Variants in ABCB5 observed in about 807,000 individuals in gnomAD.
The protein encoded by ABCB5 is ATP binding cassette subfamily B member 5, also known as ATP-binding cassette sub-family B member 5.
In ABCB5, 155 loss-of-function variants were observed where a neutral mutation model predicts 144.2. The ratio of observed to expected loss-of-function variants is 1.08; its 90% CI spans 0.94 to 1.23. ABCB5 has a LOEUF of 1.23. ABCB5 is among the 50% of genes most tolerant of loss of function. ABCB5 has a pLI of 0.00. For missense variants in ABCB5, 1,830 were observed against 1,520.8 expected, an observed-to-expected ratio of 1.20 and a Z score of -3.38; for synonymous variants, 610 against 528.6, an observed-to-expected ratio of 1.15 and a Z score of -2.11.
intron 19 of ABCB5, 60 bp downstream of exon 19, chr7:20,700,195 C>G: frequency 7.3e-7 from 1 of 1,374,282 alleles, no homozygotes; most frequent in Non-Finnish European, 9.9e-7. Flanking sequence ...AACATTCTAG[C>G]TTTAATTCTG....
chr7:20,620,722 G>C (rs936266458), intron 1 of ABCB5, among the ~76,000 whole-genome samples: 2 of 151,936 alleles, frequency 1.3e-5, no homozygotes, highest in Non-Finnish European at 2.9e-5. Flanking sequence ...GATTTCTATT[G>C]TCCATTAATC....
At chr7:20,630,036 T>G (rs1187358900) in intron 4 of ABCB5, among the ~76,000 whole-genome samples, 1 of 151,796 alleles carries the variant, frequency 6.6e-6, no homozygotes, top group African/African-American at 2.4e-5. Flanking sequence ...CGTGTATCGT[T>G]TGTAGCCTCC....
chr7:20,731,078 G>A (rs149098253), intron 23 of ABCB5, among the ~76,000 whole-genome samples: 2 of 151,942 alleles, frequency 1.3e-5, no homozygotes, highest in Non-Finnish European at 2.9e-5. Context: ...AAGAAGGCCA[G>A]GCACGGTGGC....
intron 14 of ABCB5, among the ~76,000 whole-genome samples, chr7:20,680,366 G>A (rs962694539): frequency 6.6e-6 from 1 of 152,006 alleles, no homozygotes; most frequent in Admixed American, 6.6e-5. Context: ...AGACCATCCT[G>A]GCTAACACGG....
intron 14 of ABCB5, chr7:20,659,627 G>A: frequency 4.0e-6 from 4 of 988,516 alleles, no homozygotes; most frequent in Non-Finnish European, 4.8e-6. Flanking sequence ...GGACACTTCG[G>A]CAATTTGGTT....
intron 19 of ABCB5, among the ~76,000 whole-genome samples, chr7:20,701,302 C>G (rs1005369614): frequency 6.6e-6 from 1 of 152,154 alleles, no homozygotes; most frequent in African/African-American, 2.4e-5. Context: ...CTTTAATTAA[C>G]TAATACTGTA....
intron 20 of ABCB5, among the ~76,000 whole-genome samples, chr7:20,709,912 T>C (rs919017006): frequency 2.7e-5 from 4 of 148,614 alleles, no homozygotes; most frequent in Admixed American, 2.7e-4. Context: ...CTGTCTCTAC[T>C]CAAACCACAA....
intron 16 of ABCB5, among the ~76,000 whole-genome samples, chr7:20,687,148 A>C (rs568736186): frequency 3.1e-4 from 47 of 152,350 alleles, no homozygotes; most frequent in African/African-American, 1.1e-3. Flanking sequence ...GACACTAGGC[A>C]AGAGTGGAGG....
In ABCB5 at chr7:20,752,558, C is replaced by T. The variant is rs559483183; in HGVS notation, c.3430-802C>T. ...AAAAGGTGAATAGACTGTTTCAAGA[C>T]GCCAACCTGGCCAGGCGCGGTAGCT... On this transcript the variant is annotated intron_variant, in intron 26 of 27. Transcript: ENST00000404938. Among the ~76,000 whole-genome samples the T allele has an allele frequency of 8.5e-5, 13 of 152,246 alleles. No individual in the cohort carries two copies. In the South Asian group the frequency reaches 1.9e-3, roughly 22 times the overall value.
At chr7:20,729,736 T>C (rs1782149882) in intron 23 of ABCB5, among the ~76,000 whole-genome samples, 1 of 152,204 alleles carries the variant, frequency 6.6e-6, no homozygotes, top group Non-Finnish European at 1.5e-5. Context: ...CATTATGTTA[T>C]TTTTAACAAG....
At chr7:20,663,834 C>T (rs923241055) in intron 14 of ABCB5, among the ~76,000 whole-genome samples, 5 of 151,278 alleles carry the variant, frequency 3.3e-5, no homozygotes, top group South Asian at 2.1e-4. Flanking sequence ...TCCTGCCTCA[C>T]CCTCCAGAGT....
intron 26 of ABCB5, among the ~76,000 whole-genome samples, chr7:20,747,190 T>C (rs1782751284): frequency 6.6e-6 from 1 of 152,268 alleles, no homozygotes. Flanking sequence ...TAATTTGTGG[T>C]CAGATTGTTA....
chr7:20,619,142 T>G (rs1783754951), intron 1 of ABCB5, among the ~76,000 whole-genome samples: 2 of 152,140 alleles, frequency 1.3e-5, no homozygotes, highest in African/African-American at 4.8e-5. Context: ...TGTCTGCTAT[T>G]GTGAATAGTG....
intron 20 of ABCB5, among the ~76,000 whole-genome samples, chr7:20,720,671 C>T (rs766206681): frequency 2.0e-5 from 3 of 152,062 alleles, no homozygotes; most frequent in African/African-American, 4.8e-5. Flanking sequence ...AGAGGCCAGG[C>T]GCGGTGGCTC....
rs758639171 is a variant in ABCB5 at position 20,646,012 on chromosome 7, A to C, written c.855A>C (p.Ile285=). The change falls in exon 9 of 28, where the codon ATA becomes ATC. Residue 285 remains isoleucine (I), a synonymous_variant. Coordinates refer to ENST00000404938, the MANE Select transcript of ABCB5 (RefSeq NM_001163941.2). ...DAKDFGIKRT[I]ASKVSLGAVY... Reference sequence around the variant, plus strand: ...AGGATTTTGGCATAAAAAGGACTATAGCTTCAAAAGTGTCTCTTGGTGCTG... The same window carrying C: ...AGGATTTTGGCATAAAAAGGACTATCGCTTCAAAAGTGTCTCTTGGTGCTG... 42 of 1,613,880 alleles carry C rather than the reference A, an allele frequency of 2.6e-5. No homozygotes were observed. The highest frequency in any genetic ancestry group is 3.5e-5 in the Non-Finnish European group (41 of 1,179,812).
chr7:20,677,773 C>G (rs1240468209), intron 14 of ABCB5, among the ~76,000 whole-genome samples: 5 of 152,140 alleles, frequency 3.3e-5, no homozygotes, highest in Non-Finnish European at 5.9e-5. Context: ...CCCTTTGCCC[C>G]TCTTTCTACC....
Position 20,755,681 on chromosome 7 carries a change from A to G in ABCB5, c.*57A>G. 6.6e-7 allele frequency: 1 copy of G among 1,525,770 alleles called. No individual in the cohort carries two copies. The highest frequency in any genetic ancestry group is 9.0e-7 in the Non-Finnish European group (1 of 1,106,790). 94.5% of individuals were successfully genotyped at this position (1,525,770 alleles called of 1,614,324 possible). A position where few individuals can be genotyped will look rare whatever the true frequency, so the allele number is the denominator to read the frequency against. On this transcript the variant is annotated 3_prime_UTR_variant, in exon 28 of 28. Coordinates refer to ENST00000404938, the MANE Select transcript of ABCB5 (RefSeq NM_001163941.2). ...GTGTAATGCAAAGAAGGAGTACTTA[A>G]TAATTACTTGGCAAGCTTTGATCTC...
At chr7:20,626,501 AT>A in intron 2 of ABCB5, 55 bp from the exon 3 acceptor site, 2 of 1,527,050 alleles carry the variant, frequency 1.3e-6, no homozygotes, top group Non-Finnish European at 8.8e-7. Flanking sequence ...TAATGGAAAA[AT>A]TTTGCAAATT....
At position 20,651,483 on chromosome 7, in the gene ABCB5, G is replaced by A; in HGVS notation, c.1396G>A (p.Val466Met). Residue 466 changes from valine (V) to methionine (M), a missense_variant, in exon 13 of 28, where the codon GTG (valine) becomes ATG (methionine). Physicochemically the swap from Val to Met is conservative, Grantham distance 21. Coordinates refer to ENST00000404938, the MANE Select transcript of ABCB5 (RefSeq NM_001163941.2). The stretch of plus-strand genomic sequence containing the variant: ...GCGGCATTATCGAGACCATATTGGA[G>A]TGGTTAGTCAAGAGCCTGTTTTGTT... ...NVRHYRDHIG[V>M]VSQEPVLFGT... is the part of the protein sequence containing the mutation. 4 of 1,614,098 alleles carry A rather than the reference G, an allele frequency of 2.5e-6. No individual in the cohort carries two copies. The highest frequency in any genetic ancestry group is 2.5e-6 in the Non-Finnish European group (3 of 1,180,018).
Sources: allele counts gnomAD v4.1 joint callset (sites outside exome capture counted in the v4.1 genomes callset), GRCh38; gene constraint gnomAD v4.1.1; transcripts MANE v1.5; gene names NCBI Gene and HGNC (gene_info 2026-07-23, HGNC 2026-07-21).